The following TRIM2 variants were observed in gnomAD, a reference collection of about 807,000 sequenced individuals.
TRIM2 encodes tripartite motif-containing protein 2.
A neutral mutation model predicts 75.2 loss-of-function variants in TRIM2; 20 were observed. That is an observed-to-expected ratio of 0.27 (90% CI 0.19 to 0.39). TRIM2 has a LOEUF of 0.39. Ranked by LOEUF, TRIM2 falls within the 10% of genes least tolerant of loss-of-function variation. TRIM2 has a pLI of 1.00. For synonymous variants in TRIM2, 373 were observed against 388.3 expected (o/e 0.96, Z 0.46); for missense variants, 660 against 990.8 (o/e 0.67, Z 4.48).
intron 6 of TRIM2, among the ~76,000 whole-genome samples, chr4:153,311,823 G>A (rs1348570229): frequency 6.6e-6 from 1 of 150,786 alleles, no homozygotes; most frequent in Non-Finnish European, 1.5e-5. Flanking sequence ...GCCTCCCAAA[G>A]TGCTGTGATT....
chr4:153,191,392 T>C (rs1733173075), intron 1 of TRIM2, among the ~76,000 whole-genome samples: 1 of 152,276 alleles, frequency 6.6e-6, no homozygotes, highest in Non-Finnish European at 1.5e-5. Flanking sequence ...GCCATCCCTG[T>C]GTCCCGGACA....
intron 1 of TRIM2, among the ~76,000 whole-genome samples, chr4:153,212,536 G>A (rs1264265560): frequency 6.6e-6 from 1 of 152,216 alleles, no homozygotes; most frequent in African/African-American, 2.4e-5. Flanking sequence ...GTGTATGCCT[G>A]TGGTCCCAGC....
Position 153,322,644 on chromosome 4 carries a change from AC to A in TRIM2, c.1783-3del. ...ACTTCTATTTCTGTACTTGTTTCAA[AC>A]AGACAAAAATTGGATCAGGAAAGCT... On this transcript the variant is annotated splice_region_variant and splice_polypyrimidine_tract_variant and intron_variant, in intron 8 of 11. Coordinates refer to ENST00000338700, the MANE Select transcript of TRIM2 (RefSeq NM_015271.5). 1 of 1,613,180 alleles carries A rather than the reference AC, an allele frequency of 6.2e-7. No individual in the cohort carries two copies. The highest frequency in any genetic ancestry group is 1.7e-5 in the Admixed American group (1 of 60,004).
chr4:153,174,994 T>C (rs1731260797), intron 1 of TRIM2, among the ~76,000 whole-genome samples: 1 of 123,428 alleles, frequency 8.1e-6, no homozygotes, highest in Non-Finnish European at 1.7e-5. Context: ...GTTGTTGTTG[T>C]TGTTTTGTTT....
intron 8 of TRIM2, among the ~76,000 whole-genome samples, chr4:153,317,670 AG>A (rs1221925056): frequency 1.4e-5 from 2 of 145,112 alleles, no homozygotes; most frequent in Admixed American, 1.3e-4. Flanking sequence ...AAAAAAAAAA[AG>A]ATCTATCTTG....
At chr4:153,204,021 C>G (rs1435672823), upstream of TRIM2, among the ~76,000 whole-genome samples, 1 of 152,206 alleles carries the variant, frequency 6.6e-6, no homozygotes, top group African/African-American at 2.4e-5. Context: ...ATCAAACTAA[C>G]TTTCTTGGCC....
chr4:153,196,498 C>A (rs921071263), intron 1 of TRIM2, among the ~76,000 whole-genome samples: 2 of 152,018 alleles, frequency 1.3e-5, no homozygotes, highest in East Asian at 3.9e-4. Context: ...GCAGAATGAG[C>A]GTGAGTTCCT....
intron 11 of TRIM2, among the ~76,000 whole-genome samples, chr4:153,333,401 C>CATT (rs1771923217): frequency 1.3e-5 from 2 of 152,100 alleles, no homozygotes; most frequent in Non-Finnish European, 2.9e-5. Context: ...AGTGGTAAAT[C>CATT]TACACACATG....
chr4:153,327,866 A>C (rs1354398532), intron 10 of TRIM2, among the ~76,000 whole-genome samples: 2 of 152,224 alleles, frequency 1.3e-5, no homozygotes, highest in Admixed American at 6.5e-5. Context: ...AGAGTAATAG[A>C]AACTACTTTT....
chr4:153,210,525 T>C (rs1441227844), intron 1 of TRIM2, among the ~76,000 whole-genome samples: 47 of 152,224 alleles, frequency 3.1e-4, no homozygotes, highest in Non-Finnish European at 4.4e-5. Context: ...GAATGCCAAA[T>C]GGAGCCAAAT....
intron 6 of TRIM2, among the ~76,000 whole-genome samples, chr4:153,314,786 T>C (rs190226120): frequency 1.4e-3 from 212 of 152,058 alleles, no homozygotes; most frequent in African/African-American, 4.7e-3. Flanking sequence ...GAAAATCGCC[T>C]ACTATTTTTA....
Position 153,270,472 on chromosome 4 carries a change from G to T in TRIM2, c.168G>T (p.Arg56=), listed in dbSNP as rs909897473. Residue 56 remains arginine, a synonymous_variant, in exon 2 of 12, where the codon CGG becomes CGT. Coordinates refer to ENST00000338700, the MANE Select transcript of TRIM2 (RefSeq NM_015271.5). ...QFLICSICLE[R]YKNPKVLPCL... Reference sequence around the variant, plus strand: ...TGATTTGCAGTATATGCCTGGAACGGTACAAGAATCCCAAGGTTCTCCCCT... The same window carrying T: ...TGATTTGCAGTATATGCCTGGAACGTTACAAGAATCCCAAGGTTCTCCCCT... 4.3e-6 allele frequency: 7 copies of T among 1,613,308 alleles called. No homozygotes were observed. The African/African-American group carries it at 5.3e-5, about 12-fold the overall frequency.
rs569615754 is a variant in TRIM2 at position 153,235,095 on chromosome 4, T to C, written c.30+30535T>C. On this transcript the variant is annotated intron_variant, in intron 1 of 11. Transcript: ENST00000338700. ...TTGAATGCTTGTTCCACTTTTTTGT[T>C]GTATGACTCACTCTTTCCCATCCTT... Among the ~76,000 whole-genome samples the C allele has an allele frequency of 2.8e-4, 43 of 152,044 alleles. No individual in the cohort carries two copies. In the South Asian group the frequency reaches 4.2e-3, roughly 15 times the overall value.
At chr4:153,266,640 C>CT (rs35140648) in intron 1 of TRIM2, among the ~76,000 whole-genome samples, 37,031 of 131,088 alleles carry the variant, frequency 0.28, 7,325 homozygotes, top group African/African-American at 0.57. Flanking sequence ...TGTGCCCGAC[C>CT]TTTTTTTTTT....
At chr4:153,187,698 G>T (rs1732746638) in intron 1 of TRIM2, among the ~76,000 whole-genome samples, 1 of 152,176 alleles carries the variant, frequency 6.6e-6, no homozygotes, top group Admixed American at 6.5e-5. Flanking sequence ...ATGGAGGAGT[G>T]ACTGGGCCCT....
intron 1 of TRIM2, among the ~76,000 whole-genome samples, chr4:153,260,696 C>CCCA (rs1753239010): frequency 1.7e-5 from 1 of 58,010 alleles, no homozygotes; most frequent in Non-Finnish European, 3.7e-5. Context: ...ACCCACCCCC[C>CCCA]CCCCCACACA....
intron 1 of TRIM2, among the ~76,000 whole-genome samples, chr4:153,234,937 G>A (rs562141402): frequency 7.9e-5 from 12 of 152,102 alleles, no homozygotes; most frequent in East Asian, 7.7e-4. Flanking sequence ...AACCTTCCCC[G>A]TGCCCTGTCC....
intron 1 of TRIM2, among the ~76,000 whole-genome samples, chr4:153,168,643 T>G (rs1202846349): frequency 6.6e-6 from 1 of 151,166 alleles, no homozygotes; most frequent in African/African-American, 2.4e-5. Flanking sequence ...ATAAAACCAG[T>G]TGGGTGAGGA....
intron 2 of TRIM2, 84 bp downstream of exon 2, chr4:153,270,603 C>A: frequency 1.6e-6 from 2 of 1,252,440 alleles, no homozygotes; most frequent in Non-Finnish European, 1.1e-6. Flanking sequence ...CAGAATTCTA[C>A]AGTTACCTTT....
Sources: gnomAD v4.1 joint callset for allele counts (sites outside exome capture counted in the v4.1 genomes callset) on GRCh38, gnomAD v4.1.1 for gene constraint, MANE v1.5 for transcripts, NCBI Gene and HGNC (gene_info 2026-07-23, HGNC 2026-07-21) for gene names.